Variants in FAT2 observed in about 807,000 individuals in gnomAD.
The protein encoded by FAT2 is protocadherin Fat 2.
FAT2 carries 150 observed loss-of-function variants against 295.3 expected under a neutral mutation model. The observed-to-expected ratio is 0.51, with a 90% CI of 0.44 to 0.58. FAT2 has a LOEUF of 0.58. FAT2 is among the 20% of genes least tolerant of loss of function. FAT2 has a pLI of 0.00. For synonymous variants in FAT2, 2,026 were observed against 2,150.3 expected (o/e 0.94, Z 1.60); for missense variants, 4,868 against 5,442.7 (o/e 0.89, Z 3.32).
At chr5:151,522,217 G>T in intron 18 of FAT2, 131 bp from the exon 19 acceptor site, 4 of 647,706 alleles carry the variant, frequency 6.2e-6, no homozygotes, top group East Asian at 2.9e-5. Flanking sequence ...TCAGCGCATT[G>T]TTGCATTTAG....
chr5:151,566,100 C>A lies in FAT2; in HGVS notation c.2832G>T (p.Leu944Phe), dbSNP rs1758248893. ...VPEDLPPGTVLTFLDASDPDL... is the reference protein window; with the variant it reads ...VPEDLPPGTVFTFLDASDPDL... ...CAGGATCAGAGGCATCCAGAAATGT[C>A]AAGACAGTCCCGGGGGGCAGGTCCT... is the stretch of plus-strand genomic sequence containing the variant. Residue 944 changes from leucine to phenylalanine, a missense_variant, in exon 2 of 24, where the codon TTG (leucine) becomes TTT (phenylalanine). By Grantham distance (22) the Leu-to-Phe change is conservative (BLOSUM62 0). Around this residue, in one of 5 missense-constraint regions of FAT2, gnomAD observed 3,297 missense variants for 3,669.4 expected, o/e 0.90. Transcript: ENST00000261800. The A allele has an allele frequency of 6.2e-7, 1 of 1,614,158 alleles. No homozygotes were observed. The highest frequency in any genetic ancestry group is 8.5e-7 in the Non-Finnish European group (1 of 1,180,038).
Position 151,505,974 on chromosome 5 carries a change from A to T in FAT2, c.12641T>A (p.Val4214Asp). 6.4e-7 allele frequency: 1 copy of T among 1,572,756 alleles called. No homozygotes were observed. The highest frequency in any genetic ancestry group is 1.7e-4 in the Middle Eastern group (1 of 5,850). The change falls in exon 24 of 24, where the codon GTC becomes GAC. Residue 4214 changes from valine (V) to aspartate (D), a missense_variant. Val to Asp is a radical substitution (Grantham distance 152). Transcript: ENST00000261800. ...GAGGCCATTAGGCTCTGGCATCACGACTGGGGTTGAGTGGCGGTGAGCCGA... is the reference window on the plus strand; with the variant it reads ...GAGGCCATTAGGCTCTGGCATCACGTCTGGGGTTGAGTGGCGGTGAGCCGA... ...PPSAHRHSTP[V>D]VMPEPNGLYG...
At chr5:151,535,244 T>A (rs1305807044) in intron 12 of FAT2, among the ~76,000 whole-genome samples, 3 of 152,020 alleles carry the variant, frequency 2.0e-5, no homozygotes, top group Non-Finnish European at 4.4e-5. Context: ...TCTTTTGTTA[T>A]AATGTTGGGT....
At chr5:151,556,177 C>G (rs1757674983) in intron 4 of FAT2, 167 bp downstream of exon 4, 3 of 645,760 alleles carry the variant, frequency 4.6e-6, no homozygotes, top group African/African-American at 1.8e-5. Flanking sequence ...CTTCTCAGTG[C>G]TGAGGAGCTA....
In FAT2 at chr5:151,565,957, C is replaced by T. The variant is rs3734056; in HGVS notation, c.2975G>A (p.Arg992Gln). The T allele has an allele frequency of 4.2e-3, 6,803 of 1,613,992 alleles. 224 individuals carry two copies. The East Asian group carries it at 0.064, about 15-fold the overall frequency. ...CCACAGGCTCAGATTGTACCCAGCT[C>T]GCCTCTCAAAGTCCAGCTCTCTCTC... is the stretch of plus-strand genomic sequence containing the variant. ...ILERELDFER[R>Q]AGYNLSLWAS... Residue 992 changes from arginine (R) to glutamine (Q), a missense_variant, in exon 2 of 24, where the codon CGA becomes CAA. Physicochemically the swap from Arg to Gln is conservative, Grantham distance 43 (BLOSUM62 1). Coordinates refer to ENST00000261800, the MANE Select transcript of FAT2 (RefSeq NM_001447.3).
chr5:151,545,253 C>A lies in FAT2; in HGVS notation c.5874G>T (p.Leu1958Phe). Residue 1958 changes from leucine (L) to phenylalanine (F), a missense_variant, in exon 10 of 24, where the codon TTG (leucine) becomes TTT (phenylalanine). By Grantham distance (22) the Leu-to-Phe change is conservative. Around this residue, in one of 5 missense-constraint regions of FAT2, gnomAD observed 3,297 missense variants for 3,669.4 expected, o/e 0.90. Transcript: ENST00000261800. ...YQDTALVKIS[L>F]TQVLDKSLQF... ...GCAAGCTTTTGTCAAGCACTTGGGT[C>A]AAAGAAATTTTTACCAGCGCAGTGT... The A allele has an allele frequency of 6.2e-7, 1 of 1,614,080 alleles. No individual in the cohort carries two copies. The highest frequency in any genetic ancestry group is 1.1e-5 in the South Asian group (1 of 91,050).
At chr5:151,538,028 A>T in intron 11 of FAT2, 82 bp from the exon 12 acceptor site, 4 of 1,278,726 alleles carry the variant, frequency 3.1e-6, no homozygotes, top group Non-Finnish European at 4.4e-6. Context: ...TGACTGAGGG[A>T]GGCAGAAGCA....
rs751871508 is a variant in FAT2 at position 151,566,285 on chromosome 5, G to A, written c.2647C>T (p.Arg883Cys). 8 of 1,613,940 alleles carry A rather than the reference G, an allele frequency of 5.0e-6. No individual in the cohort carries two copies. Among genetic ancestry groups the A allele is most frequent in the African/African-American group, 1.3e-5 (1 of 74,866 alleles). Residue 883 changes from arginine to cysteine, a missense_variant, in exon 2 of 24, where the codon CGC (arginine) becomes TGC (cysteine). Coordinates refer to ENST00000261800, the MANE Select transcript of FAT2 (RefSeq NM_001447.3). ...GELVVTGHLD[R>C]ESEPRYILKV... ...AGTATGTACCGAGGCTCTGATTCGC[G>A]GTCCAGGTGTCCTGTAACAACCAGT...
At chr5:151,526,058 T>G (rs946405445) in intron 17 of FAT2, 93 bp from the exon 18 acceptor site, 1 of 1,211,082 alleles carries the variant, frequency 8.3e-7, no homozygotes, top group Admixed American at 2.0e-5. Context: ...GAATGAGTCC[T>G]CAGCACTCTG....
intron 13 of FAT2, among the ~76,000 whole-genome samples, chr5:151,532,956 T>G (rs1754813762): frequency 1.3e-5 from 2 of 152,238 alleles, no homozygotes; most frequent in Non-Finnish European, 2.9e-5. Context: ...ATATTGGCAC[T>G]TATATGAAGA....
chr5:151,540,972 A>G (rs1756071089), intron 10 of FAT2, among the ~76,000 whole-genome samples: 1 of 152,256 alleles, frequency 6.6e-6, no homozygotes, highest in African/African-American at 2.4e-5. Context: ...GTTGAATGAA[A>G]TTGTCAATGC....
chr5:151,566,887 G>T lies in FAT2; in HGVS notation c.2045C>A (p.Thr682Asn), dbSNP rs768670459. ...KTGVLTQFTK[T>N]ILHFIGLQNQ... ...CTGAAGCCCAATAAAGTGGAGGATA[G>T]TCTTTGTGAATTGTGTCAATACCCC... The change falls in exon 2 of 24, where the codon ACT becomes AAT. Residue 682 changes from threonine (T) to asparagine (N), a missense_variant. Thr to Asn is a moderately conservative substitution (Grantham distance 65, BLOSUM62 0). Around this residue, in one of 5 missense-constraint regions of FAT2, gnomAD observed 3,297 missense variants for 3,669.4 expected, o/e 0.90. Coordinates refer to ENST00000261800, the MANE Select transcript of FAT2 (RefSeq NM_001447.3). 1 of 1,614,188 alleles carries T rather than the reference G, an allele frequency of 6.2e-7. No individual in the cohort carries two copies. Among genetic ancestry groups the T allele is most frequent in the Non-Finnish European group, 8.5e-7 (1 of 1,180,032 alleles).
chr5:151,538,218 AAGAG>A (rs1200745343), intron 11 of FAT2, among the ~76,000 whole-genome samples: 2 of 152,234 alleles, frequency 1.3e-5, no homozygotes, highest in Admixed American at 1.3e-4. Flanking sequence ...CGAGTCAGAA[AAGAG>A]AGAATGGAGA....
In FAT2 at chr5:151,545,705, C is replaced by T; in HGVS notation, c.5422G>A (p.Glu1808Lys). The T allele has an allele frequency of 1.1e-5, 18 of 1,614,130 alleles. No homozygotes were observed. The highest frequency in any genetic ancestry group is 1.7e-5 in the Admixed American group (1 of 60,010). Residue 1808 changes from glutamate to lysine, a missense_variant, in exon 10 of 24, where the codon GAG becomes AAG. By Grantham distance (56) the Glu-to-Lys change is moderately conservative. Coordinates refer to ENST00000261800, the MANE Select transcript of FAT2 (RefSeq NM_001447.3). ...SLLVYKILEP[E>K]ALKFFKIDPS... is the part of the protein sequence containing the mutation. ...TCAATTTTGAAAAACTTCAAGGCCT[C>T]CGGCTCCAAAATTTTATAGACCAAC...
Position 151,534,970 on chromosome 5 carries a change from A to T in FAT2, c.9194-328T>A, listed in dbSNP as rs866157979. Among the ~76,000 whole-genome samples, 390 of 105,652 alleles carry T rather than the reference A, an allele frequency of 3.7e-3. 1 individual carries two copies. The highest frequency in any genetic ancestry group is 6.8e-3 in the Non-Finnish European group (316 of 46,214). The allele number at this position is 105,652 out of a possible 152,430, so 69.3% of individuals were successfully genotyped here. A position where few individuals can be genotyped will look rare whatever the true frequency, so the allele number is the denominator to read the frequency against. On this transcript the variant is annotated intron_variant, in intron 12 of 23. Transcript: ENST00000261800. The stretch of plus-strand genomic sequence containing the variant: ...TGGTTCGTAATTCCACTTCTAGGAA[A>T]ATATATATATATATATATATATATA...
chr5:151,529,142 T>G lies in FAT2; in HGVS notation c.10026+36A>C, dbSNP rs765021215. ...GTGAGATAAGAACCCATCCCAGAGT[T>G]CTTGTCCCACAAAGAGCAAGGTGGC... On this transcript the variant is annotated intron_variant, in intron 15 of 23. Coordinates refer to ENST00000261800, the MANE Select transcript of FAT2 (RefSeq NM_001447.3). 4.4e-6 allele frequency: 7 copies of G among 1,591,408 alleles called. No homozygotes were observed. In the South Asian group the frequency reaches 7.7e-5, roughly 18 times the overall value.
At position 151,549,214 on chromosome 5, in the gene FAT2, T is replaced by A; in HGVS notation, c.4789+81A>T. 4 of 1,322,908 alleles carry A rather than the reference T, an allele frequency of 3.0e-6. No individual in the cohort carries two copies. In the South Asian group the frequency reaches 5.2e-5, roughly 17 times the overall value. The allele number at this position is 1,322,908 out of a possible 1,614,324, so 81.9% of individuals were successfully genotyped here. On this transcript the variant is annotated intron_variant, in intron 9 of 23. Coordinates refer to ENST00000261800, the MANE Select transcript of FAT2 (RefSeq NM_001447.3). ...TAATGAGCTTGGTACTTGATTAATT[T>A]GCGAATTCATGCCTCTAGTGCTTTC...
intron 8 of FAT2, among the ~76,000 whole-genome samples, chr5:151,549,868 T>A (rs1410450318): frequency 2.0e-5 from 3 of 152,186 alleles, no homozygotes; most frequent in Non-Finnish European, 4.4e-5. Flanking sequence ...GAGCACTGAA[T>A]TAAATGCAGT....
At chr5:151,507,737 A>G (rs977130162) in intron 22 of FAT2, 126 bp from the exon 23 acceptor site, 1 of 826,470 alleles carries the variant, frequency 1.2e-6, no homozygotes, top group African/African-American at 1.7e-5. Context: ...TTCACCCCCC[A>G]AAAAAGTAAC....
Sources: allele counts gnomAD v4.1 joint callset (sites outside exome capture counted in the v4.1 genomes callset), GRCh38; gene constraint gnomAD v4.1.1; regional missense constraint gnomAD v4.1.1; transcripts MANE v1.5; gene names NCBI Gene and HGNC (gene_info 2026-07-23, HGNC 2026-07-21).